Variants in NEK10 observed in about 807,000 individuals in gnomAD.
The protein encoded by NEK10 is serine/threonine-protein kinase Nek10.
NEK10 carries 122 observed loss-of-function variants against 159.8 expected under a neutral mutation model. That is an observed-to-expected ratio of 0.76 (90% CI 0.66 to 0.89). The LOEUF (loss-of-function observed/expected upper bound fraction) is 0.89, where lower values mean the gene tolerates loss of function less well. Among genes scored for constraint, NEK10 ranks in the 40% least tolerant of loss-of-function variants. The pLI is 0.00. For missense variants in NEK10, 1,342 were observed against 1,323.1 expected, an observed-to-expected ratio of 1.01 and a Z score of -0.22; for synonymous variants, 466 against 457.1, an observed-to-expected ratio of 1.02 and a Z score of -0.25.
In NEK10 at chr3:27,286,243, G is replaced by A. The variant is rs370890429; in HGVS notation, c.1790-1282C>T. 5.4e-4 allele frequency among the ~76,000 whole-genome samples: 82 copies of A among 150,942 alleles called. No homozygotes were observed. The East Asian group carries it at 0.013, about 24-fold the overall frequency. On this transcript the variant is annotated intron_variant, in intron 20 of 35. Transcript: ENST00000691995. ...TGGGACTACAGGCGCCCGCCACGAC[G>A]CCCGGCTAATTTTTTTGTATTTTTA...
rs1196474251 is a variant in NEK10 at position 27,174,597 on chromosome 3, T to C, written c.2689+53A>G. ...GGAAGGAGTCCAGAATACATTCATGTTGACACACTGCCACTAGCAGTACCT... is the reference window on the plus strand; with the variant it reads ...GGAAGGAGTCCAGAATACATTCATGCTGACACACTGCCACTAGCAGTACCT... On this transcript the variant is annotated intron_variant, in intron 27 of 35. Coordinates refer to ENST00000691995, the MANE Select transcript of NEK10 (RefSeq NM_001394966.1). The C allele has an allele frequency of 4.5e-5, 72 of 1,598,088 alleles. No homozygotes were observed. In the Admixed American group the frequency reaches 1.1e-3, roughly 24 times the overall value.
intron 6 of NEK10, among the ~76,000 whole-genome samples, chr3:27,318,095 G>A (rs927233733): frequency 8.5e-5 from 13 of 152,210 alleles, no homozygotes; most frequent in African/African-American, 3.1e-4. Flanking sequence ...GAGCCACCGC[G>A]CCCAGCCAAA....
At chr3:27,319,563 C>T (rs2045467043) in intron 6 of NEK10, among the ~76,000 whole-genome samples, 1 of 152,130 alleles carries the variant, frequency 6.6e-6, no homozygotes, top group Non-Finnish European at 1.5e-5. Flanking sequence ...TGGAAAGGAA[C>T]TGGATTCAGG....
intron 23 of NEK10, among the ~76,000 whole-genome samples, chr3:27,240,654 C>CTT (rs5847451): frequency 0.17 from 24,500 of 141,368 alleles, 2,302 homozygotes; most frequent in Non-Finnish European, 0.21. Flanking sequence ...ACTATCTCAT[C>CTT]TTTTTTTTTT....
Position 27,171,881 on chromosome 3 carries a change from G to A in NEK10, c.2777-8C>T, listed in dbSNP as rs759234635. On this transcript the variant is annotated splice_region_variant and splice_polypyrimidine_tract_variant and intron_variant, in intron 28 of 35. Coordinates refer to ENST00000691995, the MANE Select transcript of NEK10 (RefSeq NM_001394966.1). ...AACTTCTCTTTAAAATGTCTGAGAC[G>A]AGAAAATAGAAATAACTTTACATTA... 2.2e-5 allele frequency: 36 copies of A among 1,610,282 alleles called. No individual in the cohort carries two copies. The highest frequency in any genetic ancestry group is 1.7e-4 in the Middle Eastern group (1 of 6,032).
chr3:27,173,407 T>G (rs1947198424), intron 28 of NEK10, among the ~76,000 whole-genome samples: 1 of 152,230 alleles, frequency 6.6e-6, no homozygotes, highest in African/African-American at 2.4e-5. Context: ...TATACATGTT[T>G]ATATGCATAA....
chr3:27,304,327 T>C (rs2149553223), intron 12 of NEK10, among the ~76,000 whole-genome samples: 1 of 152,334 alleles, frequency 6.6e-6, no homozygotes, highest in South Asian at 2.1e-4. Context: ...TAATAACATA[T>C]GTGCACACAC....
At chr3:27,225,335 C>A (rs1952523757) in intron 23 of NEK10, among the ~76,000 whole-genome samples, 1 of 152,202 alleles carries the variant, frequency 6.6e-6, no homozygotes, top group South Asian at 2.1e-4. Flanking sequence ...TTGGCAACAT[C>A]CTCACAGACA....
rs1477812879 is a variant in NEK10 at position 27,107,737 on chromosome 3, C to T, written c.*3535G>A. Among the ~76,000 whole-genome samples, 1 of 152,038 alleles carries T rather than the reference C, an allele frequency of 6.6e-6. No homozygotes were observed. Among genetic ancestry groups the T allele is most frequent in the Non-Finnish European group, 1.5e-5 (1 of 67,994 alleles). On this transcript the variant is annotated 3_prime_UTR_variant, in exon 36 of 36. Coordinates refer to ENST00000691995, the MANE Select transcript of NEK10 (RefSeq NM_001394966.1). ...TTTCAGATAGATTTCTTTGCATTGC[C>T]TCTCCAAGTGATTTCAGTGCTCATG...
Position 27,338,985 on chromosome 3 carries a change from A to C in NEK10, c.362+5287T>G, listed in dbSNP as rs576673041. ...AAACTTCTGCACAGCAAAGGAAGCA[A>C]TCAAGAGAGTGAAGAGACAACCTGT... is the stretch of plus-strand genomic sequence containing the variant. On this transcript the variant is annotated intron_variant, in intron 5 of 35. Coordinates refer to ENST00000691995, the MANE Select transcript of NEK10 (RefSeq NM_001394966.1). 2.0e-4 allele frequency among the ~76,000 whole-genome samples: 31 copies of C among 152,332 alleles called. 1 individual carries two copies. The highest frequency in any genetic ancestry group is 7.0e-4 in the African/African-American group (29 of 41,584).
intron 16 of NEK10, among the ~76,000 whole-genome samples, chr3:27,291,963 A>C (rs4504137): frequency 0.23 from 35,354 of 152,090 alleles, 4,485 homozygotes; most frequent in Middle Eastern, 0.37. Context: ...TTTTGAATGC[A>C]GCTCACTCAC....
At chr3:27,322,901 A>T (rs2045749381) in intron 5 of NEK10, among the ~76,000 whole-genome samples, 1 of 152,214 alleles carries the variant, frequency 6.6e-6, no homozygotes, top group Admixed American at 6.5e-5. Context: ...TATCTGATGG[A>T]TGTTGAGTAG....
intron 13 of NEK10, among the ~76,000 whole-genome samples, chr3:27,298,319 A>G (rs1392958790): frequency 6.6e-6 from 1 of 152,114 alleles, no homozygotes; most frequent in East Asian, 1.9e-4. Flanking sequence ...GGTTTTAAAA[A>G]TGGGAGTTTC....
In NEK10 at chr3:27,238,651, A is replaced by AT. The variant is rs536119647; in HGVS notation, c.2090+17644dup. On this transcript the variant is annotated intron_variant, in intron 23 of 35. Coordinates refer to ENST00000691995, the MANE Select transcript of NEK10 (RefSeq NM_001394966.1). Reference sequence around the variant, plus strand: ...ATAAAATATATGCCATTGGTAACCTATTTTTTTATTTAATATTGTAAATAT... The same window carrying AT: ...ATAAAATATATGCCATTGGTAACCTATTTTTTTTATTTAATATTGTAAATAT... Among the ~76,000 whole-genome samples, 251 of 147,834 alleles carry AT rather than the reference A, an allele frequency of 1.7e-3. 1 individual carries two copies. Among genetic ancestry groups the AT allele is most frequent in the African/African-American group, 5.8e-3 (227 of 39,324 alleles).
chr3:27,196,382 G>A (rs1489290213), intron 25 of NEK10, among the ~76,000 whole-genome samples: 1 of 152,162 alleles, frequency 6.6e-6, no homozygotes, highest in Non-Finnish European at 1.5e-5. Flanking sequence ...GCTGAATAAA[G>A]CCCTTTCCTT....
chr3:27,354,711 A>G (rs1236457481), intron 1 of NEK10, among the ~76,000 whole-genome samples: 1 of 152,228 alleles, frequency 6.6e-6, no homozygotes, highest in Non-Finnish European at 1.5e-5. Flanking sequence ...CAGACAATGT[A>G]TTAAGAAAGC....
At chr3:27,261,351 T>C (rs1183412687) in intron 22 of NEK10, among the ~76,000 whole-genome samples, 1 of 152,246 alleles carries the variant, frequency 6.6e-6, no homozygotes, top group Non-Finnish European at 1.5e-5. Context: ...CTTTCTCTTG[T>C]TGGCATTTAG....
intron 13 of NEK10, among the ~76,000 whole-genome samples, chr3:27,298,916 T>A (rs1375695272): frequency 6.6e-6 from 1 of 152,170 alleles, no homozygotes; most frequent in Non-Finnish European, 1.5e-5. Flanking sequence ...AAGGGGTGAC[T>A]TGAATGCTAT....
chr3:27,140,903 C>CT (rs1943728294), intron 31 of NEK10, among the ~76,000 whole-genome samples: 1 of 151,908 alleles, frequency 6.6e-6, no homozygotes. Context: ...ACTTCTTTGT[C>CT]TAAAAAAAAG....
Sources: allele counts gnomAD v4.1 joint callset (sites outside exome capture counted in the v4.1 genomes callset), GRCh38; gene constraint gnomAD v4.1.1; transcripts MANE v1.5; gene names NCBI Gene and HGNC (gene_info 2026-07-23, HGNC 2026-07-21).